HIVEP3: variants seen among roughly 807,000 people sequenced by gnomAD.
HIVEP3 encodes transcription factor HIVEP3.
A neutral mutation model predicts 152.8 loss-of-function variants in HIVEP3; 49 were observed. That is an observed-to-expected ratio of 0.32 (90% CI 0.26 to 0.41). The LOEUF is 0.41. HIVEP3 is among the 10% of genes least tolerant of loss of function. The probability of loss-of-function intolerance (pLI) is 1.00; values close to 1 mark genes in which losing one functional copy is unlikely to be tolerated. For synonymous variants in HIVEP3, 1,269 were observed against 1,289.0 expected (o/e 0.98, Z 0.33); for missense variants, 2,790 against 3,103.3 (o/e 0.90, Z 2.40).
At chr1:41,798,862 C>T (rs569997970) in intron 1 of HIVEP3, among the ~76,000 whole-genome samples, 37 of 152,308 alleles carry the variant, frequency 2.4e-4, no homozygotes, top group Admixed American at 1.7e-3. Flanking sequence ...TGATGGGGCT[C>T]CTTCAAAATT....
At chr1:41,851,989 A>G (rs1643617927) in intron 1 of HIVEP3, among the ~76,000 whole-genome samples, 1 of 152,182 alleles carries the variant, frequency 6.6e-6, no homozygotes, top group African/African-American at 2.4e-5. Flanking sequence ...TACCCAAGGG[A>G]TAGGGTGTTT....
intron 1 of HIVEP3, among the ~76,000 whole-genome samples, chr1:41,840,311 G>A (rs1182433746): frequency 1.3e-5 from 2 of 152,200 alleles, no homozygotes; most frequent in Non-Finnish European, 2.9e-5. Context: ...ACATGACTGT[G>A]TCTTATAAGG....
chr1:41,559,128 C>T (rs779621837), intron 5 of HIVEP3, among the ~76,000 whole-genome samples: 3 of 152,048 alleles, frequency 2.0e-5, no homozygotes, highest in Non-Finnish European at 2.9e-5. Flanking sequence ...GCTTTGGCCC[C>T]GCTGCCTCCT....
chr1:41,914,946 C>T (rs1002565586), intron 1 of HIVEP3, among the ~76,000 whole-genome samples: 4 of 152,172 alleles, frequency 2.6e-5, no homozygotes, highest in African/African-American at 9.7e-5. Context: ...AATGTTAGAA[C>T]ATAACCACTA....
chr1:41,526,721 CCTCA>C (rs1642948635), intron 5 of HIVEP3, among the ~76,000 whole-genome samples: 1 of 118,558 alleles, frequency 8.4e-6, no homozygotes, highest in Non-Finnish European at 1.8e-5. Flanking sequence ...TCACACACAC[CCTCA>C]CACACTCACC....
intron 1 of HIVEP3, among the ~76,000 whole-genome samples, chr1:41,878,661 T>C (rs1644209470): frequency 5.9e-5 from 9 of 151,494 alleles, no homozygotes; most frequent in Admixed American, 5.9e-4. Context: ...AAGAATTCCT[T>C]CCTTCCTCTC....
At chr1:42,010,151 T>C (rs1202198673) in intron 1 of HIVEP3, among the ~76,000 whole-genome samples, 1 of 152,192 alleles carries the variant, frequency 6.6e-6, no homozygotes, top group Non-Finnish European at 1.5e-5. Flanking sequence ...TACATTGGTC[T>C]CCCAAAGTGC....
chr1:41,911,556 T>C (rs1481140363), intron 1 of HIVEP3, among the ~76,000 whole-genome samples: 1 of 152,054 alleles, frequency 6.6e-6, no homozygotes, highest in Non-Finnish European at 1.5e-5. Context: ...ATTCCCTAAG[T>C]AAACTTACAC....
rs147025438 is a variant in HIVEP3 at position 41,557,413 on chromosome 1, G to A, written c.5207+18131C>T. Among the ~76,000 whole-genome samples the A allele has an allele frequency of 2.0e-3, 300 of 152,278 alleles. 1 individual carries two copies. Among genetic ancestry groups the A allele is most frequent in the African/African-American group, 6.7e-3 (278 of 41,532 alleles). The stretch of plus-strand genomic sequence containing the variant: ...CTGATGGAGGGGTGGGTATGGGTGC[G>A]GAGGGAGATGAGGGCAGTTTCCCAG... On this transcript the variant is annotated intron_variant, in intron 5 of 8. Transcript: ENST00000372583.
chr1:41,607,832 T>A (rs1644843059), intron 3 of HIVEP3, among the ~76,000 whole-genome samples: 1 of 152,248 alleles, frequency 6.6e-6, no homozygotes, highest in Non-Finnish European at 1.5e-5. Flanking sequence ...CCATGGCTGA[T>A]ATGGTGGCTT....
chr1:41,726,713 A>T (rs1356883588), intron 1 of HIVEP3, among the ~76,000 whole-genome samples: 1 of 152,176 alleles, frequency 6.6e-6, no homozygotes, highest in East Asian at 1.9e-4. Flanking sequence ...GAGAGAGGAG[A>T]TCAGTTCTTT....
chr1:41,594,961 G>A (rs551441796), intron 3 of HIVEP3, among the ~76,000 whole-genome samples: 1 of 152,226 alleles, frequency 6.6e-6, no homozygotes, highest in African/African-American at 2.4e-5. Flanking sequence ...TAGCTAGCCA[G>A]TTGTCCCAAC....
At chr1:41,732,535 C>T (rs2124189085) in intron 1 of HIVEP3, among the ~76,000 whole-genome samples, 1 of 152,142 alleles carries the variant, frequency 6.6e-6, no homozygotes, top group East Asian at 1.9e-4. Context: ...CATAGAAAGG[C>T]AGGGGAAAGT....
intron 1 of HIVEP3, among the ~76,000 whole-genome samples, chr1:41,808,602 A>G (rs1293855444): frequency 1.3e-5 from 2 of 152,238 alleles, no homozygotes; most frequent in Non-Finnish European, 2.9e-5. Context: ...TGACCTGCAC[A>G]CCTCCAATTA....
intron 1 of HIVEP3, among the ~76,000 whole-genome samples, chr1:41,942,179 T>C (rs1645049307): frequency 6.6e-6 from 1 of 152,216 alleles, no homozygotes; most frequent in Non-Finnish European, 1.5e-5. Flanking sequence ...AACCACCATC[T>C]TTATGTGGAT....
intron 1 of HIVEP3, among the ~76,000 whole-genome samples, chr1:41,914,123 C>A (rs1031533505): frequency 6.6e-6 from 1 of 152,152 alleles, no homozygotes; most frequent in Non-Finnish European, 1.5e-5. Flanking sequence ...GAGGGGAGAC[C>A]CATCAGTCAT....
At chr1:41,513,820 C>T (rs1558017519) in intron 7 of HIVEP3, 70 bp from the exon 8 acceptor site, 3 of 1,287,446 alleles carry the variant, frequency 2.3e-6, no homozygotes, top group East Asian at 2.7e-5. Context: ...GGCTGCTCCT[C>T]TCTGAGCCCC....
Position 41,910,984 on chromosome 1 carries a change from TC to T in HIVEP3, c.-801+7428del, listed in dbSNP as rs1185318493. 3.3e-5 allele frequency among the ~76,000 whole-genome samples: 5 copies of T among 152,142 alleles called. No homozygotes were observed. The East Asian group carries it at 9.6e-4, about 29-fold the overall frequency. On this transcript the variant is annotated intron_variant, in intron 1 of 8. Coordinates refer to ENST00000372583, the MANE Select transcript of HIVEP3 (RefSeq NM_024503.5). ...ATGTCCTTTAAAAGACACAAAATGT[TC>T]AATGATAAAGGAAAGATTGATAAAT... is the stretch of plus-strand genomic sequence containing the variant.
chr1:41,669,739 TA>T (rs1645846502), intron 2 of HIVEP3, among the ~76,000 whole-genome samples: 1 of 152,200 alleles, frequency 6.6e-6, no homozygotes, highest in Non-Finnish European at 1.5e-5. Context: ...AGACTCAGAC[TA>T]GAAATACACA....
Sources: allele counts gnomAD v4.1 joint callset (sites outside exome capture counted in the v4.1 genomes callset), GRCh38; gene constraint gnomAD v4.1.1; transcripts MANE v1.5; gene names NCBI Gene and HGNC (gene_info 2026-07-23, HGNC 2026-07-21).